SYNPR: variants seen among roughly 807,000 people sequenced by gnomAD.
SYNPR encodes synaptoporin.
Under a neutral mutation model 32.9 loss-of-function variants are expected in SYNPR, and 23 were observed. The observed-to-expected ratio is 0.70, with a 90% confidence interval of 0.50 to 0.99. SYNPR has a LOEUF of 0.99. Among genes scored for constraint, SYNPR ranks in the 50% least tolerant of loss-of-function variants. SYNPR has a pLI of 0.00. For synonymous variants in SYNPR, 146 were observed against 135.9 expected (o/e 1.07, Z -0.52); for missense variants, 318 against 349.3 (o/e 0.91, Z 0.71).
At chr3:63,276,565 A>G (rs2086575361), upstream of SYNPR, among the ~76,000 whole-genome samples, 2 of 152,156 alleles carry the variant, frequency 1.3e-5, no homozygotes, top group Non-Finnish European at 2.9e-5. Context: ...AACTTCCCCC[A>G]TAAGATCATA....
At chr3:63,521,115 T>C (rs1208350269) in intron 3 of SYNPR, among the ~76,000 whole-genome samples, 5 of 152,188 alleles carry the variant, frequency 3.3e-5, no homozygotes, top group Non-Finnish European at 7.3e-5. Context: ...GTCTGCTCTC[T>C]CCATAATCCA....
intron 4 of SYNPR, among the ~76,000 whole-genome samples, chr3:63,594,355 G>C (rs1441712169): frequency 6.6e-6 from 1 of 152,124 alleles, no homozygotes; most frequent in African/African-American, 2.4e-5. Flanking sequence ...GTCAATAATA[G>C]TCACCTCAAA....
chr3:63,491,989 G>A (rs532628872), intron 3 of SYNPR, among the ~76,000 whole-genome samples: 2 of 152,232 alleles, frequency 1.3e-5, no homozygotes, highest in East Asian at 3.9e-4. Flanking sequence ...GGTCTTGTTA[G>A]AGCCCAAGGT....
intron 3 of SYNPR, among the ~76,000 whole-genome samples, chr3:63,510,728 TG>T (rs1475177057): frequency 1.3e-5 from 2 of 152,142 alleles, no homozygotes; most frequent in Non-Finnish European, 1.5e-5. Flanking sequence ...TAATAGAGTA[TG>T]GGGTTTTTTG....
chr3:63,605,327 G>C (rs1484443127), intron 4 of SYNPR, among the ~76,000 whole-genome samples: 1 of 152,222 alleles, frequency 6.6e-6, no homozygotes, highest in Non-Finnish European at 1.5e-5. Context: ...GGAATAGCAA[G>C]TGTGAAGTCC....
At chr3:63,442,347 T>C (rs1256348354) in intron 2 of SYNPR, among the ~76,000 whole-genome samples, 1 of 152,120 alleles carries the variant, frequency 6.6e-6, no homozygotes, top group Non-Finnish European at 1.5e-5. Context: ...GTGGCCAGCC[T>C]ATGTGCATTT....
At chr3:63,530,739 C>T (rs1366807536) in intron 3 of SYNPR, among the ~76,000 whole-genome samples, 1 of 152,124 alleles carries the variant, frequency 6.6e-6, no homozygotes, top group Non-Finnish European at 1.5e-5. Context: ...CTTTGAGAAG[C>T]AAGCCCCTCA....
intron 2 of SYNPR, among the ~76,000 whole-genome samples, chr3:63,332,946 T>A (rs2106986354): frequency 6.6e-6 from 1 of 152,186 alleles, no homozygotes; most frequent in East Asian, 1.9e-4. Flanking sequence ...CTCATAGATA[T>A]CAGTAATACA....
intron 3 of SYNPR, among the ~76,000 whole-genome samples, chr3:63,548,702 G>A (rs1360549229): frequency 2.6e-5 from 4 of 152,038 alleles, no homozygotes; most frequent in Admixed American, 6.6e-5. Context: ...AAGAGAAAAC[G>A]TACTCAGCAC....
chr3:63,256,349 C>T (rs1468860968), intron 2 of SYNPR, among the ~76,000 whole-genome samples: 1 of 152,066 alleles, frequency 6.6e-6, no homozygotes, highest in Admixed American at 6.6e-5. Flanking sequence ...CTCACATGGC[C>T]GGGTACTCCT....
At chr3:63,588,068 C>T (rs1044163299) in intron 4 of SYNPR, among the ~76,000 whole-genome samples, 2 of 151,946 alleles carry the variant, frequency 1.3e-5, no homozygotes, top group Non-Finnish European at 2.9e-5. Context: ...ATTATCCATG[C>T]TTCTATTATC....
chr3:63,401,547 C>T (rs1281911911), intron 2 of SYNPR, among the ~76,000 whole-genome samples: 1 of 152,130 alleles, frequency 6.6e-6, no homozygotes, highest in East Asian at 1.9e-4. Context: ...AGAAAAGCTT[C>T]GTTATCTGCA....
the SYNPR span, among the ~76,000 whole-genome samples, chr3:63,207,615 A>G: frequency 6.6e-6 from 1 of 152,194 alleles, no homozygotes; most frequent in East Asian, 1.9e-4. Context: ...ATAACTCAGT[A>G]TAATATGAAT....
At chr3:63,499,178 A>G (rs537749755) in intron 3 of SYNPR, among the ~76,000 whole-genome samples, 89 of 152,198 alleles carry the variant, frequency 5.8e-4, no homozygotes, top group Middle Eastern at 6.8e-3. Context: ...TTTAGGATAT[A>G]TGTAAAGGTA....
chr3:63,272,262 G>C (rs1269580734), intron 3 of SYNPR, among the ~76,000 whole-genome samples: 1 of 152,100 alleles, frequency 6.6e-6, no homozygotes, highest in Non-Finnish European at 1.5e-5. Flanking sequence ...TATTACCTCC[G>C]TTTTACAGAT....
chr3:63,574,614 C>T (rs757346885), intron 4 of SYNPR, among the ~76,000 whole-genome samples: 22 of 152,184 alleles, frequency 1.4e-4, no homozygotes, highest in Non-Finnish European at 2.8e-4. Flanking sequence ...GAAAACCATA[C>T]TGTAAGCCCA....
rs75940897 is a variant in SYNPR, at chr3:63,363,447, A to G, written c.84+84705A>G. 9.0e-3 allele frequency among the ~76,000 whole-genome samples: 1,378 copies of G among 152,272 alleles called. 7 individuals carry two copies. Among genetic ancestry groups the G allele is most frequent in the East Asian group, 0.037 (191 of 5,176 alleles). Reference sequence around the variant, plus strand: ...AGCTTCTGAGACTTTCTCAAGATCTATAGCTGGTAGGTGGCTGAACCACGA... The same window carrying G: ...AGCTTCTGAGACTTTCTCAAGATCTGTAGCTGGTAGGTGGCTGAACCACGA... On this transcript the variant is annotated intron_variant, in intron 2 of 5. Coordinates refer to ENST00000478300, the MANE Select transcript of SYNPR (RefSeq NM_001130003.2).
chr3:63,312,757 T>A (rs1204923650), intron 2 of SYNPR, among the ~76,000 whole-genome samples: 1 of 151,922 alleles, frequency 6.6e-6, no homozygotes, highest in Admixed American at 6.6e-5. Context: ...TGCACTAAGC[T>A]CCCTAAAGCT....
At chr3:63,425,805 T>C (rs1005593263) in intron 2 of SYNPR, among the ~76,000 whole-genome samples, 1 of 149,760 alleles carries the variant, frequency 6.7e-6, no homozygotes, top group East Asian at 2.0e-4. Flanking sequence ...TTTAGTAAGA[T>C]GAAGTCTTAC....
Sources: gnomAD v4.1 joint callset for allele counts (sites outside exome capture counted in the v4.1 genomes callset) on GRCh38, gnomAD v4.1.1 for gene constraint, MANE v1.5 for transcripts, NCBI Gene and HGNC (gene_info 2026-07-23, HGNC 2026-07-21) for gene names.